LRP1B: variants seen among roughly 807,000 people sequenced by gnomAD.
LRP1B encodes the protein LDL receptor related protein 1B, also known as low-density lipoprotein receptor-related protein 1B.
Under a neutral mutation model 556.6 loss-of-function variants are expected in LRP1B, and 217 were observed. The observed-to-expected ratio is 0.39, with a 90% CI of 0.35 to 0.44. The LOEUF is 0.44. Ranked by LOEUF, LRP1B falls within the 20% of genes least tolerant of loss-of-function variation. The pLI is 1.00. For missense variants in LRP1B, 5,053 were observed against 5,620.8 expected (o/e 0.90, Z 3.23); for synonymous variants, 2,047 against 1,865.8 (o/e 1.10, Z -2.50).
intron 7 of LRP1B, among the ~76,000 whole-genome samples, chr2:141,184,022 G>A (rs1681125616): frequency 6.6e-6 from 1 of 151,914 alleles, no homozygotes; most frequent in Admixed American, 6.6e-5. Context: ...AAAACTGAGG[G>A]CCACAGCTTA....
At chr2:141,553,936 T>C (rs567986730) in intron 2 of LRP1B, among the ~76,000 whole-genome samples, 5 of 137,794 alleles carry the variant, frequency 3.6e-5, no homozygotes, top group Non-Finnish European at 6.1e-5. Flanking sequence ...TTAATATAGT[T>C]ATATATCTAT....
intron 3 of LRP1B, among the ~76,000 whole-genome samples, chr2:141,319,646 C>A (rs563004244): frequency 2.6e-5 from 4 of 152,018 alleles, no homozygotes; most frequent in South Asian, 4.1e-4. Flanking sequence ...CCAACATTGA[C>A]TTTGGGGATT....
intron 1 of LRP1B, among the ~76,000 whole-genome samples, chr2:141,971,060 C>A (rs941733153): frequency 6.6e-6 from 1 of 151,600 alleles, no homozygotes; most frequent in Non-Finnish European, 1.5e-5. Context: ...GATTAGCAAG[C>A]CTTAGAGAAG....
At chr2:140,721,367 A>G (rs1282454332) in intron 35 of LRP1B, among the ~76,000 whole-genome samples, 1 of 152,022 alleles carries the variant, frequency 6.6e-6, no homozygotes, top group Non-Finnish European at 1.5e-5. Context: ...CATTTATCCT[A>G]TTAAATGTCA....
intron 2 of LRP1B, among the ~76,000 whole-genome samples, chr2:141,544,905 A>T (rs771922114): frequency 6.6e-6 from 1 of 152,018 alleles, no homozygotes; most frequent in African/African-American, 2.4e-5. Flanking sequence ...GGCTCAAGAT[A>T]TCCTTCTGGC....
chr2:141,531,515 A>G (rs1684870092), intron 2 of LRP1B, among the ~76,000 whole-genome samples: 1 of 152,138 alleles, frequency 6.6e-6, no homozygotes, highest in Non-Finnish European at 1.5e-5. Flanking sequence ...TTGCCTGCAT[A>G]TTGTAATATT....
chr2:140,979,475 T>G (rs941275636), intron 18 of LRP1B, among the ~76,000 whole-genome samples: 1 of 152,192 alleles, frequency 6.6e-6, no homozygotes, highest in African/African-American at 2.4e-5. Flanking sequence ...GTCAGCTGTA[T>G]CTGAATAGTG....
intron 2 of LRP1B, among the ~76,000 whole-genome samples, chr2:141,722,099 C>T (rs1028682177): frequency 7.9e-5 from 12 of 152,102 alleles, no homozygotes; most frequent in Admixed American, 3.9e-4. Context: ...GGTCTGAGGG[C>T]GGGCATGGTG....
rs1355791595 is a variant in LRP1B, at chr2:140,748,429, ATTTATATATATAT to A, written c.5758+20771_5758+20783del. Among the ~76,000 whole-genome samples, 124 of 98,928 alleles carry A rather than the reference ATTTATATATATAT, an allele frequency of 1.3e-3. 3 individuals are homozygous for A. Among genetic ancestry groups the A allele is most frequent in the South Asian group, 4.5e-3 (13 of 2,864 alleles). The allele number at this position is 98,928 out of a possible 152,430, so 64.9% of individuals were successfully genotyped here. On this transcript the variant is annotated intron_variant, in intron 35 of 90. Coordinates refer to ENST00000389484, the MANE Select transcript of LRP1B (RefSeq NM_018557.3). Reference sequence around the variant, plus strand: ...TATATTCATATATAATATATATTATATTTATATATATATTATATATATATATACACACACATAG... The same window carrying A: ...TATATTCATATATAATATATATTATATATATATATATATACACACACATAG...
intron 2 of LRP1B, among the ~76,000 whole-genome samples, chr2:141,567,733 G>GAAAAAATGCT (rs1157353833): frequency 2.9e-5 from 4 of 137,810 alleles, no homozygotes; most frequent in African/African-American, 2.5e-5. Flanking sequence ...TATTTTACCT[G>GAAAAAATGCT]GGAAACTAAA....
At chr2:141,628,130 TA>T (rs1688768517) in intron 2 of LRP1B, among the ~76,000 whole-genome samples, 1 of 152,200 alleles carries the variant, frequency 6.6e-6, no homozygotes, top group Non-Finnish European at 1.5e-5. Flanking sequence ...TTGCTGTACT[TA>T]CAAATCTTCA....
At chr2:140,718,500 T>A (rs1687288065) in intron 35 of LRP1B, among the ~76,000 whole-genome samples, 1 of 152,090 alleles carries the variant, frequency 6.6e-6, no homozygotes, top group African/African-American at 2.4e-5. Flanking sequence ...AGCCTTCTAA[T>A]TTGTTGCCTA....
At chr2:140,442,439 A>C in intron 66 of LRP1B, 65 bp downstream of exon 66, 1 of 1,555,368 alleles carries the variant, frequency 6.4e-7, no homozygotes, top group Non-Finnish European at 8.7e-7. Context: ...AATTTGTTTA[A>C]CTGTGGTTGT....
chr2:141,608,346 T>C (rs778351299), intron 2 of LRP1B, among the ~76,000 whole-genome samples: 1 of 152,198 alleles, frequency 6.6e-6, no homozygotes, highest in Non-Finnish European at 1.5e-5. Context: ...CTGCTCCAAA[T>C]AGCACAAAAG....
chr2:141,447,921 C>T (rs1273079749), intron 3 of LRP1B, among the ~76,000 whole-genome samples: 1 of 152,194 alleles, frequency 6.6e-6, no homozygotes, highest in African/African-American at 2.4e-5. Context: ...GGCAGTCTGT[C>T]CCTTAGCAGA....
rs1355826007 is a variant in LRP1B at position 141,045,446 on chromosome 2, TAATTA to T, written c.1789+3535_1789+3539del. 1.8e-3 allele frequency among the ~76,000 whole-genome samples: 87 copies of T among 47,362 alleles called. No homozygotes were observed. The South Asian group carries it at 0.022, about 12-fold the overall frequency. The allele number at this position is 47,362 out of a possible 152,430, so 31.1% of individuals were successfully genotyped here. The stretch of plus-strand genomic sequence containing the variant: ...AATAAAAATAAATAAATTAATTAAT[TAATTA>T]AAAAAAAAAGAAAGAGCATCTATCT... On this transcript the variant is annotated intron_variant, in intron 11 of 90. Coordinates refer to ENST00000389484, the MANE Select transcript of LRP1B (RefSeq NM_018557.3).
At chr2:141,692,853 AC>A (rs1178440098) in intron 2 of LRP1B, among the ~76,000 whole-genome samples, 1 of 152,048 alleles carries the variant, frequency 6.6e-6, no homozygotes, top group Non-Finnish European at 1.5e-5. Context: ...TGTGTATCTA[AC>A]CATAGAAAAA....
rs1448051439 is a variant in LRP1B, at chr2:141,415,650, T to C, written c.343+64746A>G. ...GTTAGTCTTTGATTCTCTTCTTAAG[T>C]ATTACAAAAAGCGCCATTTATAAGT... is the stretch of plus-strand genomic sequence containing the variant. On this transcript the variant is annotated intron_variant, in intron 3 of 90. Transcript: ENST00000389484. Among the ~76,000 whole-genome samples the C allele has an allele frequency of 2.0e-5, 3 of 152,204 alleles. No individual in the cohort carries two copies. In the East Asian group the frequency reaches 5.8e-4, roughly 29 times the overall value.
intron 3 of LRP1B, among the ~76,000 whole-genome samples, chr2:141,381,515 G>A (rs949401180): frequency 1.3e-5 from 2 of 151,870 alleles, no homozygotes; most frequent in Non-Finnish European, 1.5e-5. Flanking sequence ...CCAAACTTGG[G>A]GAACAGAATG....
Sources: allele counts gnomAD v4.1 joint callset (sites outside exome capture counted in the v4.1 genomes callset), GRCh38; gene constraint gnomAD v4.1.1; transcripts MANE v1.5; gene names NCBI Gene and HGNC (gene_info 2026-07-23, HGNC 2026-07-21).